The following MAJIN variants were observed in gnomAD, a reference collection of about 807,000 sequenced individuals.
MAJIN encodes the protein membrane anchored junction protein, also known as membrane-anchored junction protein.
Under a neutral mutation model 30.2 loss-of-function variants are expected in MAJIN, and 27 were observed. That is an observed-to-expected ratio of 0.89 (90% CI 0.66 to 1.23). The LOEUF (loss-of-function observed/expected upper bound fraction) is 1.23, where lower values mean the gene tolerates loss of function less well. Ranked by LOEUF, MAJIN falls within the 50% of genes most tolerant of loss-of-function variation. MAJIN has a pLI of 0.00. For missense variants in MAJIN, 253 were observed against 260.3 expected, an observed-to-expected ratio of 0.97 and a Z score of 0.19; for synonymous variants, 78 against 91.6, an observed-to-expected ratio of 0.85 and a Z score of 0.85.
At chr11:64,949,478 T>C (rs184836418) in intron 6 of MAJIN, among the ~76,000 whole-genome samples, 33 of 152,306 alleles carry the variant, frequency 2.2e-4, no homozygotes, top group Middle Eastern at 3.4e-3. Flanking sequence ...ATTTAATCCT[T>C]TTAACAACTC....
At chr11:64,944,037 C>T (rs1269080171) in intron 8 of MAJIN, among the ~76,000 whole-genome samples, 3 of 152,202 alleles carry the variant, frequency 2.0e-5, no homozygotes, top group African/African-American at 7.2e-5. Flanking sequence ...CAAGGATACA[C>T]TCCTTCCCCA....
At chr11:64,941,144 G>A (rs895575197) in intron 8 of MAJIN, among the ~76,000 whole-genome samples, 1 of 152,016 alleles carries the variant, frequency 6.6e-6, no homozygotes, top group South Asian at 2.1e-4. Flanking sequence ...AGCCAGGACT[G>A]TCGTTTTTTC....
intron 1 of MAJIN, among the ~76,000 whole-genome samples, chr11:64,961,625 G>A (rs1331728169): frequency 1.3e-5 from 2 of 150,428 alleles, no homozygotes; most frequent in South Asian, 2.1e-4. Context: ...ACAGGCGCCC[G>A]CCACCAAGCC....
chr11:64,942,904 G>T (rs1054773390), intron 8 of MAJIN, among the ~76,000 whole-genome samples: 2 of 152,152 alleles, frequency 1.3e-5, no homozygotes, highest in Admixed American at 6.5e-5. Flanking sequence ...ATCTATTAAG[G>T]GTGGGAGGAG....
chr11:64,944,665 G>A (rs372781194), intron 8 of MAJIN, among the ~76,000 whole-genome samples: 7 of 150,830 alleles, frequency 4.6e-5, no homozygotes, highest in African/African-American at 1.5e-4. Flanking sequence ...TCTCAAAAAT[G>A]AAAAAAAAAT....
chr11:64,959,774 GTTC>G (rs1409894007), intron 2 of MAJIN, among the ~76,000 whole-genome samples: 5 of 152,200 alleles, frequency 3.3e-5, no homozygotes, highest in Admixed American at 3.3e-4. Flanking sequence ...TCTTGAATCT[GTTC>G]TTCTCTACCA....
intron 3 of MAJIN, among the ~76,000 whole-genome samples, chr11:64,955,916 C>T (rs1044428753): frequency 5.9e-5 from 9 of 152,176 alleles, no homozygotes; most frequent in African/African-American, 1.7e-4. Flanking sequence ...CTGTTAATCC[C>T]GGCGCTTTGG....
intron 4 of MAJIN, among the ~76,000 whole-genome samples, chr11:64,952,341 C>T (rs1192776920): frequency 6.6e-6 from 1 of 152,042 alleles, no homozygotes; most frequent in Non-Finnish European, 1.5e-5. Context: ...GTGCCTGCCA[C>T]CACACCTGGC....
intron 1 of MAJIN, among the ~76,000 whole-genome samples, chr11:64,968,804 C>G (rs1335549182): frequency 6.6e-6 from 1 of 151,338 alleles, no homozygotes; most frequent in Non-Finnish European, 1.5e-5. Context: ...TACACTCCAG[C>G]CTGGGCCACA....
intron 4 of MAJIN, among the ~76,000 whole-genome samples, chr11:64,953,678 C>T (rs531836699): frequency 6.6e-6 from 1 of 152,266 alleles, no homozygotes; most frequent in Non-Finnish European, 1.5e-5. Flanking sequence ...GTAGTCCCAG[C>T]TGCTTGGGAG....
At chr11:64,970,864 A>G (rs561403321) in intron 1 of MAJIN, among the ~76,000 whole-genome samples, 29 of 152,150 alleles carry the variant, frequency 1.9e-4, no homozygotes, top group Non-Finnish European at 3.8e-4. Flanking sequence ...CCAGAAACTC[A>G]TTCAAATCAA....
intron 1 of MAJIN, among the ~76,000 whole-genome samples, chr11:64,965,780 C>T (rs1232110614): frequency 6.6e-6 from 1 of 151,956 alleles, no homozygotes; most frequent in Non-Finnish European, 1.5e-5. Context: ...CACGGTGAAA[C>T]CCCATCTCTA....
chr11:64,947,307 C>T, intron 8 of MAJIN, 67 bp downstream of exon 8: 1 of 1,393,254 alleles, frequency 7.2e-7, no homozygotes, highest in Non-Finnish European at 9.8e-7. Flanking sequence ...ACAGGATCAA[C>T]CAACAGTAAT....
intron 1 of MAJIN, among the ~76,000 whole-genome samples, chr11:64,968,730 G>A (rs1945850393): frequency 6.6e-6 from 1 of 151,832 alleles, no homozygotes; most frequent in African/African-American, 2.4e-5. Flanking sequence ...TACTCAGGAG[G>A]CTGAGGTGGG....
intron 6 of MAJIN, among the ~76,000 whole-genome samples, 191 bp from the exon 7 acceptor site, chr11:64,948,010 C>T (rs971067450): frequency 1.3e-5 from 2 of 151,906 alleles, no homozygotes; most frequent in African/African-American, 4.8e-5. Context: ...CAGGCACATG[C>T]CACCACACCT....
rs1355138621 is a variant in MAJIN, at chr11:64,946,777, T to A, written c.473+597A>T. 2.0e-5 allele frequency among the ~76,000 whole-genome samples: 3 copies of A among 152,140 alleles called. No homozygotes were observed. The South Asian group carries it at 6.2e-4, about 32-fold the overall frequency. The stretch of plus-strand genomic sequence containing the variant: ...GCTAATAAGAATGACTGAATTGTCT[T>A]ACTGACTCATTTTGTTCCTGATAGA... On this transcript the variant is annotated intron_variant, in intron 8 of 10. Transcript: ENST00000301896.
chr11:64,950,019 G>A (rs1368592712), intron 5 of MAJIN, 151 bp from the exon 6 acceptor site: 1 of 1,154,350 alleles, frequency 8.7e-7, no homozygotes, highest in East Asian at 2.4e-5. Flanking sequence ...GTGAGCTGTA[G>A]CTCATTTCCA....
rs368153922 is a variant in MAJIN, at chr11:64,952,893, C to T, written c.147+1864G>A. 7.9e-5 allele frequency among the ~76,000 whole-genome samples: 12 copies of T among 151,108 alleles called. No individual in the cohort carries two copies. In the East Asian group the frequency reaches 2.0e-3, roughly 25 times the overall value. On this transcript the variant is annotated intron_variant, in intron 4 of 10. Transcript: ENST00000301896. ...CTAATTTTTGTATTTTTAGTAGAGACGGGGTTTCGCCATGTTGGCCAGTCT... is the reference window on the plus strand; with the variant it reads ...CTAATTTTTGTATTTTTAGTAGAGATGGGGTTTCGCCATGTTGGCCAGTCT...
chr11:64,946,911 C>T (rs1307024909), intron 8 of MAJIN, among the ~76,000 whole-genome samples: 1 of 152,170 alleles, frequency 6.6e-6, no homozygotes, highest in East Asian at 1.9e-4. Context: ...TACATACCCT[C>T]TTGCAAACAT....
Sources: allele counts gnomAD v4.1 joint callset (sites outside exome capture counted in the v4.1 genomes callset), GRCh38; gene constraint gnomAD v4.1.1; transcripts MANE v1.5; gene names NCBI Gene and HGNC (gene_info 2026-07-23, HGNC 2026-07-21).